The following SUPT3H variants were observed in gnomAD, a reference collection of about 807,000 sequenced individuals.
SUPT3H encodes the protein SPT3 homolog, SAGA and STAGA complex component.
Under a neutral mutation model 44.3 loss-of-function variants are expected in SUPT3H, and 44 were observed. The observed-to-expected ratio is 0.99, with a 90% CI of 0.78 to 1.28. The LOEUF is 1.28. Ranked by LOEUF, SUPT3H falls within the 50% of genes most tolerant of loss-of-function variation. The pLI is 0.00. For missense variants in SUPT3H, 380 were observed against 387.1 expected (o/e 0.98, Z 0.15); for synonymous variants, 124 against 125.6 (o/e 0.99, Z 0.09).
chr6:45,216,929 G>A (rs1470798869), intron 2 of SUPT3H, among the ~76,000 whole-genome samples: 1 of 152,110 alleles, frequency 6.6e-6, no homozygotes, highest in Non-Finnish European at 1.5e-5. Context: ...ACATGTGGAA[G>A]CTAAAAAATT....
rs550081797 is a variant in SUPT3H, at chr6:45,018,581, C to T, written c.273+1965G>A. On this transcript the variant is annotated intron_variant, in intron 4 of 10. Coordinates refer to ENST00000371459, the MANE Select transcript of SUPT3H (RefSeq NM_003599.4). Reference sequence around the variant, plus strand: ...AGGGTTGTTGAATTTTGTCAAAGGCCTTTTCTGCATCTATTGAGATAATCA... The same window carrying T: ...AGGGTTGTTGAATTTTGTCAAAGGCTTTTTCTGCATCTATTGAGATAATCA... Among the ~76,000 whole-genome samples, 5 of 152,094 alleles carry T rather than the reference C, an allele frequency of 3.3e-5. No homozygotes were observed. The East Asian group carries it at 5.8e-4, about 18-fold the overall frequency.
At chr6:45,061,650 T>C (rs1792056424) in intron 3 of SUPT3H, among the ~76,000 whole-genome samples, 1 of 152,222 alleles carries the variant, frequency 6.6e-6, no homozygotes, top group African/African-American at 2.4e-5. Flanking sequence ...GTTTATGCTT[T>C]TAAAAACAAT....
chr6:44,974,092 T>C (rs1408543175), intron 6 of SUPT3H, among the ~76,000 whole-genome samples: 13 of 152,136 alleles, frequency 8.5e-5, no homozygotes, highest in Non-Finnish European at 1.3e-4. Flanking sequence ...AAGCAATGTG[T>C]GCTGCAATCT....
chr6:44,899,861 A>C lies in SUPT3H; in HGVS notation c.912+32792T>G, dbSNP rs142770764. ...CTGGAGGTTGATCCATGAATTTCAT[A>C]GACTTTCTGCTGGAAACTAAGGGTG... On this transcript the variant is annotated intron_variant, in intron 10 of 10. Coordinates refer to ENST00000371459, the MANE Select transcript of SUPT3H (RefSeq NM_003599.4). Among the ~76,000 whole-genome samples the C allele has an allele frequency of 2.2e-3, 333 of 152,304 alleles. 2 individuals carry two copies. Among genetic ancestry groups the C allele is most frequent in the African/African-American group, 7.6e-3 (314 of 41,554 alleles).
intron 3 of SUPT3H, among the ~76,000 whole-genome samples, chr6:45,034,381 CAGAAA>C (rs1787376334): frequency 6.6e-6 from 1 of 151,794 alleles, no homozygotes; most frequent in African/African-American, 2.4e-5. Flanking sequence ...TCCTGGAACA[CAGAAA>C]AGAACAAAGG....
At chr6:45,308,056 G>GA (rs1223114116) in intron 2 of SUPT3H, among the ~76,000 whole-genome samples, 2 of 152,078 alleles carry the variant, frequency 1.3e-5, no homozygotes, top group African/African-American at 2.4e-5. Flanking sequence ...GAAGTTTTGA[G>GA]AAAAAAGAAT....
At position 45,003,661 on chromosome 6, in the gene SUPT3H, T is replaced by C. The variant is rs762177743; in HGVS notation, c.496A>G (p.Arg166Gly). 6.2e-7 allele frequency: 1 copy of C among 1,613,572 alleles called. No individual in the cohort carries two copies. Among genetic ancestry groups the C allele is most frequent in the Non-Finnish European group, 8.5e-7 (1 of 1,179,724 alleles). ...DDEIDEVKQE[R>G]MERAERQTRI... ...GGAAGAATGTACTATACCTCCATTCTTTCTTGTTTAACTTCATCAATTTCG... is the reference window on the plus strand; with the variant it reads ...GGAAGAATGTACTATACCTCCATTCCTTCTTGTTTAACTTCATCAATTTCG... The change falls in exon 6 of 11, where the codon AGA becomes GGA. Residue 166 changes from arginine (R) to glycine (G), a missense_variant. Transcript: ENST00000371459.
At chr6:45,068,420 A>G (rs1793789365) in intron 3 of SUPT3H, among the ~76,000 whole-genome samples, 1 of 150,426 alleles carries the variant, frequency 6.6e-6, no homozygotes, top group Non-Finnish European at 1.5e-5. Flanking sequence ...ATATGTAACT[A>G]ACCTGCACAA....
At chr6:44,927,455 G>A (rs1471582307) in intron 10 of SUPT3H, among the ~76,000 whole-genome samples, 5 of 152,084 alleles carry the variant, frequency 3.3e-5, no homozygotes, top group Non-Finnish European at 5.9e-5. Flanking sequence ...TATCAACTTT[G>A]ATATATTCAT....
chr6:45,032,549 TG>T (rs1787103121), intron 3 of SUPT3H, among the ~76,000 whole-genome samples: 1 of 152,206 alleles, frequency 6.6e-6, no homozygotes, highest in African/African-American at 2.4e-5. Flanking sequence ...TGTTTAGCTC[TG>T]GTCACTAAAA....
At chr6:45,259,827 G>A (rs72858528) in intron 2 of SUPT3H, among the ~76,000 whole-genome samples, 2,420 of 152,224 alleles carry the variant, frequency 0.016, 34 homozygotes, top group South Asian at 0.036. Context: ...ACTGATGTTG[G>A]AAATGACAGG....
At chr6:45,006,356 C>T (rs1782713778) in intron 5 of SUPT3H, among the ~76,000 whole-genome samples, 1 of 151,550 alleles carries the variant, frequency 6.6e-6, no homozygotes, top group South Asian at 2.1e-4. Flanking sequence ...ATTTCATATT[C>T]TTGTTTTTTC....
intron 1 of SUPT3H, among the ~76,000 whole-genome samples, chr6:45,374,940 C>T (rs1468689889): frequency 6.6e-6 from 1 of 152,208 alleles, no homozygotes. Flanking sequence ...GGCACGGTGG[C>T]TCACACCTGT....
At chr6:45,116,767 T>A (rs1179872286) in intron 2 of SUPT3H, among the ~76,000 whole-genome samples, 1 of 152,154 alleles carries the variant, frequency 6.6e-6, no homozygotes, top group East Asian at 1.9e-4. Context: ...TTTAAAAGTG[T>A]ACAATTCAAT....
chr6:45,044,621 C>T (rs1008966718), intron 3 of SUPT3H, among the ~76,000 whole-genome samples: 17 of 152,216 alleles, frequency 1.1e-4, no homozygotes, highest in African/African-American at 4.1e-4. Flanking sequence ...AAAACAAATA[C>T]TTTAAAATTT....
chr6:45,240,288 CACA>C (rs971761908), intron 2 of SUPT3H, among the ~76,000 whole-genome samples: 2 of 152,170 alleles, frequency 1.3e-5, no homozygotes, highest in African/African-American at 4.8e-5. Flanking sequence ...GACAACCTGT[CACA>C]ACGAGTAATT....
chr6:45,110,453 AAT>A, intron 2 of SUPT3H, among the ~76,000 whole-genome samples: 1 of 152,270 alleles, frequency 6.6e-6, no homozygotes, highest in South Asian at 2.1e-4. Context: ...TACTATCTAA[AAT>A]TAGGGGAGAT....
chr6:45,282,806 A>C (rs893965972), intron 2 of SUPT3H, among the ~76,000 whole-genome samples: 1 of 152,336 alleles, frequency 6.6e-6, no homozygotes, highest in East Asian at 1.9e-4. Context: ...AGTTGAAATA[A>C]AGGAAATAAT....
At chr6:44,853,203 G>A (rs1475991953) in intron 10 of SUPT3H, among the ~76,000 whole-genome samples, 1 of 152,110 alleles carries the variant, frequency 6.6e-6, no homozygotes, top group Admixed American at 6.6e-5. Context: ...TTTCAGTAAG[G>A]TTATATAACT....
Sources: allele counts gnomAD v4.1 joint callset (sites outside exome capture counted in the v4.1 genomes callset), GRCh38; gene constraint gnomAD v4.1.1; transcripts MANE v1.5; gene names NCBI Gene and HGNC (gene_info 2026-07-23, HGNC 2026-07-21).